Variants in NCOA6 observed in about 807,000 individuals in gnomAD.
The protein encoded by NCOA6 is nuclear receptor coactivator 6.
A neutral mutation model predicts 171.4 loss-of-function variants in NCOA6; 49 were observed. The ratio of observed to expected loss-of-function variants is 0.29; its 90% CI spans 0.23 to 0.36. The LOEUF (loss-of-function observed/expected upper bound fraction) is 0.36, where lower values mean the gene tolerates loss of function less well. Among genes scored for constraint, NCOA6 ranks in the 10% least tolerant of loss-of-function variants. The pLI, the probability that NCOA6 is intolerant of heterozygous loss-of-function variation, is 1.00. For synonymous variants in NCOA6, 910 were observed against 927.5 expected (o/e 0.98, Z 0.34); for missense variants, 2,248 against 2,554.5 (o/e 0.88, Z 2.59).
chr20:34,817,768 A>T (rs1291709185), intron 1 of NCOA6, among the ~76,000 whole-genome samples: 1 of 152,206 alleles, frequency 6.6e-6, no homozygotes, highest in Non-Finnish European at 1.5e-5. Flanking sequence ...GCACTCACCC[A>T]ATCTAGTGAG....
At chr20:34,816,819 A>G (rs2078851550) in intron 1 of NCOA6, among the ~76,000 whole-genome samples, 1 of 149,894 alleles carries the variant, frequency 6.7e-6, no homozygotes, top group Admixed American at 6.7e-5. Context: ...AAACAAACAA[A>G]CAAACAAACA....
intron 8 of NCOA6, among the ~76,000 whole-genome samples, chr20:34,750,829 A>G (rs977244913): frequency 3.9e-5 from 6 of 152,208 alleles, no homozygotes; most frequent in African/African-American, 1.4e-4. Flanking sequence ...AAATAATGAG[A>G]AAGGCAGCAT....
chr20:34,815,829 T>A lies in NCOA6; in HGVS notation c.-164+9643A>T, dbSNP rs534093377. Among the ~76,000 whole-genome samples, 383 of 152,312 alleles carry A rather than the reference T, an allele frequency of 2.5e-3. 1 individual carries two copies. Among genetic ancestry groups the A allele is most frequent in the African/African-American group, 8.7e-3 (361 of 41,560 alleles). On this transcript the variant is annotated intron_variant, in intron 1 of 14. Coordinates refer to ENST00000359003, the MANE Select transcript of NCOA6 (RefSeq NM_014071.5). Reference sequence around the variant, plus strand: ...AAAATGAGGGAGGCTGGGTGTGTTGTCATTGACCATCTGTTTTTCTACAGG... The same window carrying A: ...AAAATGAGGGAGGCTGGGTGTGTTGACATTGACCATCTGTTTTTCTACAGG...
At chr20:34,732,128 G>A (rs534561625) in intron 13 of NCOA6, among the ~76,000 whole-genome samples, 183 of 152,322 alleles carry the variant, frequency 1.2e-3, no homozygotes, top group African/African-American at 4.3e-3. Context: ...GAGCAGCACA[G>A]TGTAACAGAA....
At chr20:34,776,272 G>A in intron 4 of NCOA6, 21 bp downstream of exon 4, 1 of 1,611,062 alleles carries the variant, frequency 6.2e-7, no homozygotes, top group Non-Finnish European at 8.5e-7. Context: ...GTCTAGATGG[G>A]CACATGGCAA....
At chr20:34,716,089 G>A (rs1464760631) in intron 14 of NCOA6, among the ~76,000 whole-genome samples, 5 of 152,076 alleles carry the variant, frequency 3.3e-5, no homozygotes, top group South Asian at 2.1e-4. Context: ...GCGTGGTGGC[G>A]TGTGCCTTAA....
rs2076932225 is a variant in NCOA6, at chr20:34,764,959, CA to C, written c.514+3504del. On this transcript the variant is annotated intron_variant, in intron 5 of 14. Transcript: ENST00000359003. ...TGAAACCCCATCTCTACTAAAAATA[CA>C]AAAATTAGCCAATTAGCTGGGCATA... 3.3e-5 allele frequency among the ~76,000 whole-genome samples: 5 copies of C among 151,816 alleles called. No individual in the cohort carries two copies. In the South Asian group the frequency reaches 1.0e-3, roughly 32 times the overall value.
At chr20:34,767,890 C>T (rs2077029787) in intron 5 of NCOA6, among the ~76,000 whole-genome samples, 1 of 152,190 alleles carries the variant, frequency 6.6e-6, no homozygotes. Context: ...GCTTCCTCTG[C>T]TTTAAATGAC....
intron 13 of NCOA6, among the ~76,000 whole-genome samples, chr20:34,727,726 C>T (rs75325524): frequency 2.2e-4 from 31 of 141,140 alleles, no homozygotes; most frequent in African/African-American, 7.8e-4. Flanking sequence ...CTTTTCTTTT[C>T]TTTTTTTTTT....
Position 34,740,983 on chromosome 20 carries a change from G to T in NCOA6, c.5273C>A (p.Pro1758His), listed in dbSNP as rs781315597. 7.9e-5 allele frequency: 128 copies of T among 1,614,092 alleles called. No homozygotes were observed. In the East Asian group the frequency reaches 2.8e-3, roughly 35 times the overall value. ...CTSSPVVPSH[P>H]PVQQVKELNP... ...CAATTCTTTCACTTGCTGCACAGGG[G>T]GATGAGAAGGGACAACTGGAGAAGA... Residue 1758 changes from proline to histidine, a missense_variant, in exon 11 of 15, where the codon CCC becomes CAC. By Grantham distance (77) the Pro-to-His change is moderately conservative (BLOSUM62 -2). Transcript: ENST00000359003.
intron 9 of NCOA6, 32 bp from the exon 10 acceptor site, chr20:34,746,960 A>G (rs1193414484): frequency 6.8e-7 from 1 of 1,469,908 alleles, no homozygotes; most frequent in South Asian, 1.3e-5. Flanking sequence ...AAAGTGACAT[A>G]TTTTAGAATA....
intron 5 of NCOA6, among the ~76,000 whole-genome samples, chr20:34,765,598 T>C (rs1404243328): frequency 6.6e-6 from 1 of 152,008 alleles, no homozygotes; most frequent in Admixed American, 6.6e-5. Flanking sequence ...GGTTCTCACC[T>C]AGGGGAAATT....
chr20:34,770,404 T>A (rs2077114255), intron 4 of NCOA6, among the ~76,000 whole-genome samples: 1 of 152,026 alleles, frequency 6.6e-6, no homozygotes, highest in Non-Finnish European at 1.5e-5. Flanking sequence ...AAGGAAGCAA[T>A]CACTGGGAGC....
intron 3 of NCOA6, chr20:34,776,778 G>A (rs779376214): frequency 4.1e-6 from 2 of 483,938 alleles, no homozygotes; most frequent in Non-Finnish European, 8.1e-6. Flanking sequence ...CACAGGCAAT[G>A]AACGGAAAGC....
intron 14 of NCOA6, among the ~76,000 whole-genome samples, chr20:34,716,786 T>C (rs910713315): frequency 2.0e-5 from 3 of 151,832 alleles, no homozygotes; most frequent in Non-Finnish European, 4.4e-5. Flanking sequence ...AAAAAAATTC[T>C]ACACAAAGTT....
chr20:34,757,137 C>G (rs1373789540), intron 7 of NCOA6, 83 bp downstream of exon 7: 5 of 1,375,224 alleles, frequency 3.6e-6, no homozygotes, highest in South Asian at 1.4e-5. Context: ...ACTCCACTCC[C>G]TCCATTAACT....
intron 13 of NCOA6, 71 bp from the exon 14 acceptor site, chr20:34,727,478 A>G: frequency 2.0e-6 from 3 of 1,529,894 alleles, no homozygotes; most frequent in Non-Finnish European, 2.7e-6. Flanking sequence ...GGCTCTTCAG[A>G]TAGTTTCATT....
chr20:34,735,254 T>C (rs141973667), intron 12 of NCOA6, among the ~76,000 whole-genome samples: 72 of 152,300 alleles, frequency 4.7e-4, no homozygotes, highest in African/African-American at 1.6e-3. Flanking sequence ...AGTTTTGCTG[T>C]ATGACCCCTC....
intron 4 of NCOA6, 85 bp from the exon 5 acceptor site, chr20:34,768,671 T>C: frequency 6.8e-7 from 1 of 1,463,256 alleles, no homozygotes. Context: ...GTGCTTTAGT[T>C]TTCTGTGCTT....
Sources: allele counts gnomAD v4.1 joint callset (sites outside exome capture counted in the v4.1 genomes callset), GRCh38; gene constraint gnomAD v4.1.1; transcripts MANE v1.5; gene names NCBI Gene and HGNC (gene_info 2026-07-23, HGNC 2026-07-21).